Variants in TIAL1 observed in about 807,000 individuals in gnomAD.
TIAL1 encodes nucleolysin TIAR.
A neutral mutation model predicts 59.7 loss-of-function variants in TIAL1; 7 were observed. The ratio of observed to expected loss-of-function variants is 0.12; its 90% confidence interval spans 0.07 to 0.22. TIAL1 has a LOEUF of 0.22. Among genes scored for constraint, TIAL1 ranks in the 10% least tolerant of loss-of-function variants. The pLI is 1.00. For missense variants in TIAL1, 225 were observed against 462.5 expected, an observed-to-expected ratio of 0.49 and a Z score of 4.71; for synonymous variants, 149 against 146.3, an observed-to-expected ratio of 1.02 and a Z score of -0.13.
chr10:119,595,638 T>C (rs1369767663), intron 1 of TIAL1, among the ~76,000 whole-genome samples: 2 of 152,070 alleles, frequency 1.3e-5, no homozygotes, highest in African/African-American at 2.4e-5. Flanking sequence ...ACACATCAAA[T>C]AGCGGATGAA....
In TIAL1 at chr10:119,575,778, C is replaced by T; in HGVS notation, c.1015G>A (p.Ala339Thr). 1 of 1,544,036 alleles carries T rather than the reference C, an allele frequency of 6.5e-7. No individual in the cohort carries two copies. Among genetic ancestry groups the T allele is most frequent in the Non-Finnish European group, 8.7e-7 (1 of 1,151,260 alleles). ...QGFGVDQSPS[A>T]AWMGGFGAQP... ...GCACCAAATCCACCCATCCAAGCAG[C>T]AGAAGGTGATTGACTTGGAAGAAAA... Residue 339 changes from alanine (A) to threonine (T), a missense_variant, in exon 12 of 12, where the codon GCT becomes ACT. Around this residue, in one of 4 missense-constraint regions of TIAL1, gnomAD observed 68 missense variants for 71.3 expected, o/e 0.95. Transcript: ENST00000436547.
At chr10:119,591,408 A>G (rs981234683) in intron 1 of TIAL1, among the ~76,000 whole-genome samples, 8 of 140,762 alleles carry the variant, frequency 5.7e-5, no homozygotes, top group South Asian at 2.8e-4. Context: ...ACTCCATCTG[A>G]AAAAAAAAAA....
chr10:119,587,157 G>C (rs181245792), intron 2 of TIAL1, among the ~76,000 whole-genome samples: 1 of 152,322 alleles, frequency 6.6e-6, no homozygotes, highest in African/African-American at 2.4e-5. Flanking sequence ...CTCCGTTTCA[G>C]GATAAAACAA....
In TIAL1 at chr10:119,574,832, A is replaced by G. The variant is rs1844901389; in HGVS notation, c.*833T>C. On this transcript the variant is annotated 3_prime_UTR_variant, in exon 12 of 12. Transcript: ENST00000436547. ...AAATAATTACATTGCTGCTACTTCT[A>G]TGTTGAAGCATGCTTTTTAAACACT... 1 of 152,632 alleles carries G rather than the reference A, an allele frequency of 6.6e-6. No homozygotes were observed. The highest frequency in any genetic ancestry group is 1.5e-5 in the Non-Finnish European group (1 of 68,042). 9.5% of individuals were successfully genotyped at this position (152,632 alleles called of 1,614,324 possible). A position where few individuals can be genotyped will look rare whatever the true frequency, so the allele number is the denominator to read the frequency against.
In TIAL1 at chr10:119,596,579, G is replaced by A. The variant is rs1253430599; in HGVS notation, c.-114C>T. The stretch of plus-strand genomic sequence containing the variant: ...GCACCGGCTGGGGACAGAGGAAAAG[G>A]CACCGAACCCTGCTCTCGGGCTCTC... On this transcript the variant is annotated 5_prime_UTR_variant, in exon 1 of 12. Coordinates refer to ENST00000436547, the MANE Select transcript of TIAL1 (RefSeq NM_003252.4). 9 of 847,746 alleles carry A rather than the reference G, an allele frequency of 1.1e-5. No homozygotes were observed. In the Admixed American group the frequency reaches 2.0e-4, roughly 19 times the overall value. The allele number at this position is 847,746 out of a possible 1,614,324, so 52.5% of individuals were successfully genotyped here.
chr10:119,580,659 G>A, intron 5 of TIAL1: 1 of 995,522 alleles, frequency 1.0e-6, no homozygotes, highest in Non-Finnish European at 1.2e-6. Flanking sequence ...TAGTGAGTAA[G>A]TTAAATGATT....
At position 119,588,145 on chromosome 10, in the gene TIAL1, A is replaced by G; in HGVS notation, c.129+7T>C. The G allele has an allele frequency of 2.0e-6, 3 of 1,527,574 alleles. 1 individual carries two copies. Among genetic ancestry groups the G allele is most frequent in the South Asian group, 2.6e-5 (2 of 78,108 alleles). 94.6% of individuals were successfully genotyped at this position (1,527,574 alleles called of 1,614,324 possible). A position where few individuals can be genotyped will look rare whatever the true frequency, so the allele number is the denominator to read the frequency against. On this transcript the variant is annotated splice_region_variant and intron_variant, in intron 2 of 11. Coordinates refer to ENST00000436547, the MANE Select transcript of TIAL1 (RefSeq NM_003252.4). ...ATTGTCAGCACATGGAACTGGGAAG[A>G]TCTTACCTCTGTTATCATTTTACAG... is the stretch of plus-strand genomic sequence containing the variant.
At chr10:119,585,202 T>C (rs1845504288) in intron 2 of TIAL1, among the ~76,000 whole-genome samples, 1 of 150,202 alleles carries the variant, frequency 6.7e-6, no homozygotes, top group Admixed American at 6.7e-5. Flanking sequence ...TTTAGGAGGA[T>C]GAGGCAGAGG....
In TIAL1 at chr10:119,576,653, C is replaced by G; in HGVS notation, c.959G>C (p.Gly320Ala). Residue 320 changes from glycine (G) to alanine (A), a missense_variant, in exon 11 of 12, where the codon GGA (glycine) becomes GCA (alanine). Around this residue, in one of 4 missense-constraint regions of TIAL1, gnomAD observed 68 missense variants for 71.3 expected, o/e 0.95. Coordinates refer to ENST00000436547, the MANE Select transcript of TIAL1 (RefSeq NM_003252.4). ...MANGWQVPPYGVYGQPWNQQG... is the reference protein window; with the variant it reads ...MANGWQVPPYAVYGQPWNQQG... ...TTGATTCCATGGTTGCCCGTATACTCCATAAGGCGGTACTTGCCACCCATT... is the reference window on the plus strand; with the variant it reads ...TTGATTCCATGGTTGCCCGTATACTGCATAAGGCGGTACTTGCCACCCATT... 6.2e-7 allele frequency: 1 copy of G among 1,614,178 alleles called. No individual in the cohort carries two copies. Among genetic ancestry groups the G allele is most frequent in the Non-Finnish European group, 8.5e-7 (1 of 1,180,032 alleles).
rs1447494651 is a variant in TIAL1 at position 119,586,515 on chromosome 10, C to T, written c.129+1637G>A. Among the ~76,000 whole-genome samples, 8 of 152,172 alleles carry T rather than the reference C, an allele frequency of 5.3e-5. No individual in the cohort carries two copies. The South Asian group carries it at 1.7e-3, about 31-fold the overall frequency. On this transcript the variant is annotated intron_variant, in intron 2 of 11. Coordinates refer to ENST00000436547, the MANE Select transcript of TIAL1 (RefSeq NM_003252.4). ...GCTCTTGCCCGCTACAATCTATTCT[C>T]CATAAAACAGTCATTCTCTACATAG...
Position 119,582,373 on chromosome 10 carries a change from G to C in TIAL1, c.228+86C>G. The C allele has an allele frequency of 1.3e-6, 2 of 1,501,198 alleles. No individual in the cohort carries two copies. The highest frequency in any genetic ancestry group is 1.8e-6 in the Non-Finnish European group (2 of 1,124,322). The allele number at this position is 1,501,198 out of a possible 1,614,324, so 93.0% of individuals were successfully genotyped here. On this transcript the variant is annotated intron_variant, in intron 3 of 11. Transcript: ENST00000436547. This position sits in a 1 kb window ranked among gnomAD's most constrained non-coding sequence, Gnocchi z 5.1. The stretch of plus-strand genomic sequence containing the variant: ...ACCATCACTCAGCAGCCGAATATCT[G>C]CTCAAAAATTTGCCTAGAAAGAATA...
chr10:119,585,692 A>G (rs1845537239), intron 2 of TIAL1, among the ~76,000 whole-genome samples: 1 of 152,002 alleles, frequency 6.6e-6, no homozygotes, highest in Non-Finnish European at 1.5e-5. Context: ...TTTCTCAAAA[A>G]TTTTCTAGTG....
At chr10:119,578,938 G>T in intron 6 of TIAL1, 104 bp from the exon 7 acceptor site, 1 of 818,782 alleles carries the variant, frequency 1.2e-6, no homozygotes. Context: ...CAAATCAGTA[G>T]ATGAATTTAC....
In TIAL1 at chr10:119,575,624, G is replaced by A. The variant is rs1039878816; in HGVS notation, c.*41C>T. The A allele has an allele frequency of 6.8e-6, 11 of 1,609,884 alleles. No homozygotes were observed. The highest frequency in any genetic ancestry group is 2.7e-5 in the African/African-American group (2 of 74,618). On this transcript the variant is annotated 3_prime_UTR_variant, in exon 12 of 12. Coordinates refer to ENST00000436547, the MANE Select transcript of TIAL1 (RefSeq NM_003252.4). ...TGTCTTCAGAGTGTCACAGGAAATC[G>A]AAGCCTATCATGAATTACAATTTTT...
In TIAL1 at chr10:119,596,511, T is replaced by C; in HGVS notation, c.-46A>G. 1.9e-5 allele frequency: 1 copy of C among 52,360 alleles called. No homozygotes were observed. The highest frequency in any genetic ancestry group is 4.0e-5 in the Non-Finnish European group (1 of 24,706). The allele number at this position is 52,360 out of a possible 1,614,324, so 3.2% of individuals were successfully genotyped here. A position where few individuals can be genotyped will look rare whatever the true frequency, so the allele number is the denominator to read the frequency against. On this transcript the variant is annotated 5_prime_UTR_variant, in exon 1 of 12. Transcript: ENST00000436547. ...CCCGGGACAAGGGGGAGGGCAGGGT[T>C]GGGGAGGGGAGGGGGTGGGGAGGAA...
chr10:119,575,512 G>A lies in TIAL1; in HGVS notation c.*153C>T. ...AAAAAGGCAGAACTAGAAGACACGT[G>A]TCCTTCACCAAAGCAAATCTGTGCT... is the stretch of plus-strand genomic sequence containing the variant. On this transcript the variant is annotated 3_prime_UTR_variant, in exon 12 of 12. Coordinates refer to ENST00000436547, the MANE Select transcript of TIAL1 (RefSeq NM_003252.4). 1 of 918,580 alleles carries A rather than the reference G, an allele frequency of 1.1e-6. No homozygotes were observed. Among genetic ancestry groups the A allele is most frequent in the Non-Finnish European group, 1.6e-6 (1 of 620,256 alleles). The allele number at this position is 918,580 out of a possible 1,614,324, so 56.9% of individuals were successfully genotyped here. A position where few individuals can be genotyped will look rare whatever the true frequency, so the allele number is the denominator to read the frequency against.
chr10:119,573,583 C>A lies in TIAL1; in HGVS notation c.*2082G>T, dbSNP rs1403136408. ...CTCAATAAGCTACTTAATTTACTGG[C>A]AGACCAAAACAGGCATACTAAGCAT... On this transcript the variant is annotated 3_prime_UTR_variant, in exon 12 of 12. Coordinates refer to ENST00000436547, the MANE Select transcript of TIAL1 (RefSeq NM_003252.4). 2.0e-5 allele frequency: 3 copies of A among 152,438 alleles called. No individual in the cohort carries two copies. The highest frequency in any genetic ancestry group is 4.4e-5 in the Non-Finnish European group (3 of 67,998). 9.4% of individuals were successfully genotyped at this position (152,438 alleles called of 1,614,324 possible). A position where few individuals can be genotyped will look rare whatever the true frequency, so the allele number is the denominator to read the frequency against.
chr10:119,588,940 A>T (rs1044684022), intron 1 of TIAL1, among the ~76,000 whole-genome samples: 3 of 152,220 alleles, frequency 2.0e-5, no homozygotes, highest in Non-Finnish European at 4.4e-5. Flanking sequence ...ACACACACAC[A>T]TACAACAAAT....
Position 119,582,951 on chromosome 10 carries a change from T to C in TIAL1, c.130-394A>G, listed in dbSNP as rs1179325720. Among the ~76,000 whole-genome samples the C allele has an allele frequency of 2.6e-5, 4 of 152,260 alleles. No individual in the cohort carries two copies. The East Asian group carries it at 7.7e-4, about 29-fold the overall frequency. On this transcript the variant is annotated intron_variant, in intron 2 of 11. Coordinates refer to ENST00000436547, the MANE Select transcript of TIAL1 (RefSeq NM_003252.4). The surrounding 1 kb of genome is among the most constrained non-coding windows in gnomAD (Gnocchi z 5.1). Reference sequence around the variant, plus strand: ...TTTTAAATTACGTTCTACTTATGCATCATAATCCTCTATAAGTGGTATCCC... The same window carrying C: ...TTTTAAATTACGTTCTACTTATGCACCATAATCCTCTATAAGTGGTATCCC...
Sources: allele counts gnomAD v4.1 joint callset (sites outside exome capture counted in the v4.1 genomes callset), GRCh38; gene constraint gnomAD v4.1.1; regional missense constraint gnomAD v4.1.1; non-coding constraint Gnocchi (gnomAD v3.1); transcripts MANE v1.5; gene names NCBI Gene and HGNC (gene_info 2026-07-23, HGNC 2026-07-21).